Variants in IGF2R observed in about 807,000 individuals in gnomAD.
IGF2R encodes cation-independent mannose-6-phosphate receptor.
In IGF2R, 91 loss-of-function variants were observed where a neutral mutation model predicts 270.6. The observed-to-expected ratio is 0.34, with a 90% CI of 0.28 to 0.40. The LOEUF (loss-of-function observed/expected upper bound fraction) is 0.40. Ranked by LOEUF, IGF2R falls within the 10% of genes least tolerant of loss-of-function variation. The pLI, the probability that IGF2R is intolerant of heterozygous loss-of-function variation, is 1.00. For missense variants in IGF2R, 2,805 were observed against 3,188.3 expected (o/e 0.88, Z 2.90); for synonymous variants, 1,316 against 1,258.9 (o/e 1.05, Z -0.96).
rs750978098 is a variant in IGF2R, at chr6:160,102,061, G to T, written c.6843-458G>T. Among the ~76,000 whole-genome samples, 5 of 152,198 alleles carry T rather than the reference G, an allele frequency of 3.3e-5. No homozygotes were observed. Among genetic ancestry groups the T allele is most frequent in the Non-Finnish European group, 7.3e-5 (5 of 68,036 alleles). On this transcript the variant is annotated intron_variant, in intron 45 of 47. Coordinates refer to ENST00000356956, the MANE Select transcript of IGF2R (RefSeq NM_000876.4). The surrounding 1 kb of genome is among the most constrained non-coding windows in gnomAD (Gnocchi z 4.5). ...CTGGCCTGTTTCTAAGGCCCCCTGG[G>T]CCCCTTTCGTGTGGAGATGGTGTCT...
At chr6:160,071,775 T>G (rs752008168) in intron 31 of IGF2R, 135 bp from the exon 32 acceptor site, 3 of 1,181,254 alleles carry the variant, frequency 2.5e-6, no homozygotes, top group Non-Finnish European at 3.7e-6. Flanking sequence ...CTGCGCCTCA[T>G]CCCACAGGCA....
In IGF2R at chr6:160,060,723, G is replaced by C; in HGVS notation, c.3262+6G>C. Reference sequence around the variant, plus strand: ...AGTGGACTGCCAAGTCACCGGTAAGGCCGTGCGGCCTAAGAACTGAGAGGC... The same window carrying C: ...AGTGGACTGCCAAGTCACCGGTAAGCCCGTGCGGCCTAAGAACTGAGAGGC... On this transcript the variant is annotated splice_donor_region_variant and intron_variant, in intron 23 of 47. Transcript: ENST00000356956. 1.2e-6 allele frequency: 2 copies of C among 1,614,180 alleles called. No individual in the cohort carries two copies. The highest frequency in any genetic ancestry group is 1.7e-6 in the Non-Finnish European group (2 of 1,179,988).
chr6:160,104,579 C>T lies in IGF2R; in HGVS notation c.7066-95C>T, dbSNP rs969036727. ...ACAGTGGGCCAGTTCTTCCCCAGCT[C>T]GTGCCAGCAGAGAGCATCCCTGATG... On this transcript the variant is annotated intron_variant, in intron 47 of 47. Transcript: ENST00000356956. The T allele has an allele frequency of 8.4e-6, 11 of 1,314,210 alleles. 1 individual carries two copies. Among genetic ancestry groups the T allele is most frequent in the African/African-American group, 5.9e-5 (4 of 67,938 alleles). 81.4% of individuals were successfully genotyped at this position (1,314,210 alleles called of 1,614,324 possible).
Position 159,991,330 on chromosome 6 carries a change from A to G in IGF2R, c.289+7A>G, listed in dbSNP as rs201786202. ...CGCACTTATCATTCAGTGGGTAAGT[A>G]GAACTACCTGAAATTACTGGATTGG... On this transcript the variant is annotated splice_region_variant and intron_variant, in intron 2 of 47. Coordinates refer to ENST00000356956, the MANE Select transcript of IGF2R (RefSeq NM_000876.4). 8.1e-6 allele frequency: 13 copies of G among 1,606,110 alleles called. No homozygotes were observed. In the East Asian group the frequency reaches 2.9e-4, roughly 36 times the overall value.
intron 5 of IGF2R, among the ~76,000 whole-genome samples, chr6:160,026,827 C>T (rs1010700148): frequency 6.6e-6 from 1 of 152,164 alleles, no homozygotes; most frequent in Admixed American, 6.5e-5. Flanking sequence ...TCCCTAATCT[C>T]CTAATTGTTC....
In IGF2R at chr6:159,969,252, G is replaced by GGCC. The variant is rs888927909; in HGVS notation, c.14_16dup (p.Ala5dup). 13 of 1,050,250 alleles carry GGCC rather than the reference G, an allele frequency of 1.2e-5. No homozygotes were observed. Among genetic ancestry groups the GGCC allele is most frequent in the Non-Finnish European group, 1.4e-5 (12 of 875,338 alleles). The allele number at this position is 1,050,250 out of a possible 1,614,324, so 65.1% of individuals were successfully genotyped here. The stretch of plus-strand genomic sequence containing the variant: ...CGCAGTCCGGGCCCGGCGCGATGGG[G>GGCC]GCCGCCGCCGGCCGGAGCCCCCACC... On this transcript the variant is annotated inframe_insertion, in exon 1 of 48. Transcript: ENST00000356956.
intron 2 of IGF2R, among the ~76,000 whole-genome samples, chr6:159,994,007 T>TTTTTTTTC (rs1784016151): frequency 6.8e-6 from 1 of 147,280 alleles, no homozygotes; most frequent in Non-Finnish European, 1.5e-5. Flanking sequence ...TTTTTTTTTT[T>TTTTTTTTC]TTTCAGGGAG....
intron 29 of IGF2R, among the ~76,000 whole-genome samples, chr6:160,065,814 G>GTGTGTGTATATATATA: frequency 2.8e-3 from 219 of 78,216 alleles, no homozygotes; most frequent in Non-Finnish European, 3.7e-3. Flanking sequence ...GTGTGTGTGT[G>GTGTGTGTATATATATA]TATATATATA....
rs538963568 is a variant in IGF2R at position 159,980,130 on chromosome 6, G to A, written c.149+10735G>A. Among the ~76,000 whole-genome samples the A allele has an allele frequency of 2.0e-3, 303 of 151,586 alleles. 4 individuals are homozygous for A. Among genetic ancestry groups the A allele is most frequent in the African/African-American group, 6.9e-3 (285 of 41,260 alleles). On this transcript the variant is annotated intron_variant, in intron 1 of 47. Coordinates refer to ENST00000356956, the MANE Select transcript of IGF2R (RefSeq NM_000876.4). ...CGGGAGGCGGAGCTTGCAGTGAGCT[G>A]AGATCGCACCGCTGCACTCCAGCCT... is the stretch of plus-strand genomic sequence containing the variant.
intron 4 of IGF2R, among the ~76,000 whole-genome samples, chr6:160,023,411 T>A (rs565184873): frequency 6.6e-6 from 1 of 152,116 alleles, no homozygotes; most frequent in Non-Finnish European, 1.5e-5. Flanking sequence ...AATCAAAGGC[T>A]CATTTTAAAT....
intron 19 of IGF2R, among the ~76,000 whole-genome samples, chr6:160,055,425 G>C (rs1003235087): frequency 6.6e-6 from 1 of 152,136 alleles, no homozygotes; most frequent in Non-Finnish European, 1.5e-5. Context: ...CTGCAGCACA[G>C]GAAATACACT....
At chr6:160,040,529 G>T in intron 10 of IGF2R, 31 bp from the exon 11 acceptor site, 1 of 1,608,632 alleles carries the variant, frequency 6.2e-7, no homozygotes, top group Non-Finnish European at 8.5e-7. Context: ...GTCACGTATG[G>T]AGTTTAAATT....
chr6:160,102,481 C>G lies in IGF2R; in HGVS notation c.6843-38C>G. The G allele has an allele frequency of 6.3e-7, 1 of 1,597,836 alleles. No homozygotes were observed. Among genetic ancestry groups the G allele is most frequent in the Non-Finnish European group, 8.5e-7 (1 of 1,170,160 alleles). The stretch of plus-strand genomic sequence containing the variant: ...GGTTGTGGCTGTGGCAGCAGGACCA[C>G]CCTGTGACACGGCTCCTTTTCTGTG... On this transcript the variant is annotated intron_variant, in intron 45 of 47. Transcript: ENST00000356956. This position sits in a 1 kb window ranked among gnomAD's most constrained non-coding sequence, Gnocchi z 4.5.
At chr6:160,101,571 C>A (rs888082985) in intron 45 of IGF2R, among the ~76,000 whole-genome samples, 9 of 152,256 alleles carry the variant, frequency 5.9e-5, no homozygotes, top group African/African-American at 1.7e-4. Flanking sequence ...AACCTCAGTT[C>A]TTTGAGCAGC....
chr6:160,030,407 T>C (rs569927298), intron 7 of IGF2R, among the ~76,000 whole-genome samples: 1 of 152,328 alleles, frequency 6.6e-6, no homozygotes, highest in African/African-American at 2.4e-5. Context: ...ATGTGGAATT[T>C]GCTCTGACGT....
Position 160,079,607 on chromosome 6 carries a change from G to A in IGF2R, c.5506G>A (p.Val1836Ile), listed in dbSNP as rs140658120. 1.7e-5 allele frequency: 25 copies of A among 1,513,420 alleles called. No individual in the cohort carries two copies. The highest frequency in any genetic ancestry group is 1.8e-4 in the Middle Eastern group (1 of 5,690). 93.7% of individuals were successfully genotyped at this position (1,513,420 alleles called of 1,614,324 possible). The change falls in exon 38 of 48, where the codon GTT (valine) becomes ATT (isoleucine). Residue 1836 changes from valine (V) to isoleucine (I), a missense_variant. This residue lies in a region of IGF2R where 1,851 missense variants were observed against 2,207.2 expected (regional missense o/e 0.84). Coordinates refer to ENST00000356956, the MANE Select transcript of IGF2R (RefSeq NM_000876.4). ...GACTCGCGACTCGCGCACCTACAGCGTTGGGGTGTGCACCTTTGCAGTCGG... is the reference window on the plus strand; with the variant it reads ...GACTCGCGACTCGCGCACCTACAGCATTGGGGTGTGCACCTTTGCAGTCGG... ...KVTRDSRTYS[V>I]GVCTFAVGPE...
At chr6:160,012,764 T>TATATATA (rs538085462) in intron 4 of IGF2R, among the ~76,000 whole-genome samples, 124 of 60,412 alleles carry the variant, frequency 2.1e-3, no homozygotes, top group African/African-American at 6.4e-3. Flanking sequence ...TATATATATA[T>TATATATA]TTTTTTTTTT....
rs147337866 is a variant in IGF2R at position 160,109,900 on chromosome 6, G to A, written c.*4816G>A. ...ATACTTGAACTAGAAAATCCCGTTG[G>A]CATAGGTATGGATTGTCATATAGAA... On this transcript the variant is annotated 3_prime_UTR_variant, in exon 48 of 48. Transcript: ENST00000356956. 1.5e-4 allele frequency: 23 copies of A among 152,324 alleles called. No homozygotes were observed. The highest frequency in any genetic ancestry group is 5.5e-4 in the African/African-American group (23 of 41,566). The allele number at this position is 152,324 out of a possible 1,614,324, so 9.4% of individuals were successfully genotyped here.
At chr6:160,070,093 G>C in intron 31 of IGF2R, 35 bp downstream of exon 31, 1 of 1,604,634 alleles carries the variant, frequency 6.2e-7, no homozygotes, top group African/African-American at 1.3e-5. Context: ...TGCTGTTGCA[G>C]CTTTGGGAAT....
Sources: gnomAD v4.1 joint callset for allele counts (sites outside exome capture counted in the v4.1 genomes callset) on GRCh38, gnomAD v4.1.1 for gene constraint, gnomAD v4.1.1 regional missense constraint, Gnocchi (gnomAD v3.1) non-coding constraint, MANE v1.5 for transcripts, NCBI Gene and HGNC (gene_info 2026-07-23, HGNC 2026-07-21) for gene names.